The following TRPC5 variants were observed in gnomAD, a reference collection of about 807,000 sequenced individuals.
TRPC5 encodes transient receptor potential cation channel subfamily C member 5, also known as short transient receptor potential channel 5.
TRPC5 carries 9 observed loss-of-function variants against 56.5 expected under a neutral mutation model. The ratio of observed to expected loss-of-function variants is 0.16; its 90% CI spans 0.10 to 0.28. TRPC5 has a LOEUF of 0.28. Ranked by LOEUF, TRPC5 falls within the 10% of genes least tolerant of loss-of-function variation. The probability of loss-of-function intolerance (pLI) is 1.00; values close to 1 mark genes in which losing one functional copy is unlikely to be tolerated. For synonymous variants in TRPC5, 282 were observed against 278.5 expected (o/e 1.01, Z -0.13); for missense variants, 469 against 748.9 (o/e 0.63, Z 4.36).
At chrX:111,808,093 C>T (rs1921580935) in intron 7 of TRPC5, among the ~76,000 whole-genome samples, 1 of 110,070 alleles carries the variant, frequency 9.1e-6, no homozygotes, top group Non-Finnish European at 1.9e-5. Context: ...CAGCACAGCA[C>T]TGGCTCTCAC....
rs534660293 is a variant in TRPC5 at position 111,992,588 on chromosome X, CATTATT to C, written c.-21-40153_-21-40148del. ...GAAATATGGGAATTGTTTTTTAAAA[CATTATT>C]ATTATTATTATTATTATTATTATTT... On this transcript the variant is annotated intron_variant, in intron 1 of 10. Transcript: ENST00000262839. Among the ~76,000 whole-genome samples the C allele has an allele frequency of 4.9e-3, 514 of 104,963 alleles. 3 individuals carry two copies. In the South Asian group the frequency reaches 0.052, roughly 11 times the overall value. 91.1% of individuals were successfully genotyped at this position (104,963 alleles called of 115,157 possible).
chrX:111,969,159 C>T (rs1314324880), intron 1 of TRPC5, among the ~76,000 whole-genome samples: 1 of 110,934 alleles, frequency 9.0e-6, no homozygotes, highest in Non-Finnish European at 1.9e-5. Context: ...GGACCCTCCA[C>T]CAGCAAAAAG....
chrX:111,913,128 C>G (rs939151580), intron 2 of TRPC5, among the ~76,000 whole-genome samples: 9 of 111,142 alleles, frequency 8.1e-5, no homozygotes, highest in African/African-American at 3.0e-4. Context: ...AGTTTTTAGT[C>G]AGCAGAGCCA....
chrX:112,033,311 G>A (rs1437113276), intron 1 of TRPC5, among the ~76,000 whole-genome samples: 4 of 108,463 alleles, frequency 3.7e-5, no homozygotes, highest in Non-Finnish European at 7.6e-5. Flanking sequence ...TGGCACATGT[G>A]TAGATATGTA....
intron 1 of TRPC5, among the ~76,000 whole-genome samples, chrX:112,050,531 C>G (rs1930188935): frequency 8.9e-6 from 1 of 112,204 alleles, no homozygotes; most frequent in Admixed American, 9.4e-5. Context: ...ATCTTGCTAA[C>G]CTACTCTTCA....
chrX:112,055,721 G>T (rs756726370), intron 1 of TRPC5, among the ~76,000 whole-genome samples: 30 of 108,317 alleles, frequency 2.8e-4, no homozygotes, highest in African/African-American at 9.4e-4. Flanking sequence ...AGTAGCATAT[G>T]TTTAGTTATA....
intron 1 of TRPC5, among the ~76,000 whole-genome samples, chrX:111,966,783 T>C (rs1452621553): frequency 9.3e-6 from 1 of 107,545 alleles, no homozygotes. Flanking sequence ...TCAACAACTC[T>C]TCATGCTAAA....
intron 3 of TRPC5, among the ~76,000 whole-genome samples, chrX:111,865,405 C>T (rs1006179588): frequency 4.7e-5 from 5 of 107,319 alleles, no homozygotes; most frequent in African/African-American, 1.7e-4. Context: ...CTGTTCACTG[C>T]AACCTCAGCC....
At chrX:111,904,655 G>A (rs752216293) in intron 3 of TRPC5, among the ~76,000 whole-genome samples, 175 of 111,080 alleles carry the variant, frequency 1.6e-3, no homozygotes, top group African/African-American at 5.4e-3. Context: ...GGGAGAGAGA[G>A]CATCAAGAAT....
chrX:111,937,279 T>C (rs1926615102), intron 2 of TRPC5, among the ~76,000 whole-genome samples: 1 of 104,471 alleles, frequency 9.6e-6, no homozygotes, highest in Non-Finnish European at 2.0e-5. Flanking sequence ...GAAAATTTTC[T>C]CCCATTTTGT....
chrX:112,033,193 G>A (rs188563798), intron 1 of TRPC5, among the ~76,000 whole-genome samples: 863 of 79,044 alleles, frequency 0.011, 12 homozygotes, highest in African/African-American at 0.042. Flanking sequence ...CACAGGGTGG[G>A]GAACATCACA....
At chrX:111,941,399 G>T (rs1926774211) in intron 2 of TRPC5, among the ~76,000 whole-genome samples, 2 of 112,361 alleles carry the variant, frequency 1.8e-5, no homozygotes, top group South Asian at 7.4e-4. Flanking sequence ...GGTAGTCTCT[G>T]TTTAATTTCT....
At chrX:111,782,824 C>CACAG (rs1399761431) in intron 7 of TRPC5, among the ~76,000 whole-genome samples, 3 of 109,416 alleles carry the variant, frequency 2.7e-5, no homozygotes, top group Non-Finnish European at 5.7e-5. Flanking sequence ...CACACACACA[C>CACAG]ACACACACAC....
At chrX:111,843,165 G>T (rs1446406297) in intron 6 of TRPC5, among the ~76,000 whole-genome samples, 1 of 112,471 alleles carries the variant, frequency 8.9e-6, no homozygotes, top group Non-Finnish European at 1.9e-5. Context: ...TAAAAAGATA[G>T]GATTGCTTTT....
At chrX:111,803,719 T>C (rs1921397828) in intron 7 of TRPC5, among the ~76,000 whole-genome samples, 1 of 112,304 alleles carries the variant, frequency 8.9e-6, no homozygotes, top group Non-Finnish European at 1.9e-5. Context: ...CTTGTAAATT[T>C]GCTTGTGTTC....
intron 6 of TRPC5, among the ~76,000 whole-genome samples, chrX:111,840,561 T>C (rs1416728311): frequency 8.9e-6 from 1 of 111,869 alleles, no homozygotes; most frequent in Non-Finnish European, 1.9e-5. Flanking sequence ...GACATAGATA[T>C]GAAGGGTTGA....
At chrX:111,860,018 C>T (rs1307246396) in intron 3 of TRPC5, among the ~76,000 whole-genome samples, 1 of 112,855 alleles carries the variant, frequency 8.9e-6, no homozygotes, top group Non-Finnish European at 1.9e-5. Flanking sequence ...ACGCCATTCT[C>T]CTGCCTCGGC....
chrX:111,935,129 A>G (rs2148629815), intron 2 of TRPC5, among the ~76,000 whole-genome samples: 1 of 111,987 alleles, frequency 8.9e-6, no homozygotes, highest in Admixed American at 9.5e-5. Context: ...CCTTACCAGC[A>G]TTTGTTACTG....
rs758277413 is a variant in TRPC5, at chrX:111,909,672, T to C, written c.900+2619A>G. On this transcript the variant is annotated intron_variant, in intron 3 of 10. Coordinates refer to ENST00000262839, the MANE Select transcript of TRPC5 (RefSeq NM_012471.3). ...AAGAGAACAAGAAGAAATAAAACCCTGTGGCACATTCAGATTAGTGGGATG... is the reference window on the plus strand; with the variant it reads ...AAGAGAACAAGAAGAAATAAAACCCCGTGGCACATTCAGATTAGTGGGATG... Among the ~76,000 whole-genome samples, 493 of 111,543 alleles carry C rather than the reference T, an allele frequency of 4.4e-3. 3 individuals are homozygous for C. The highest frequency in any genetic ancestry group is 0.016 in the African/African-American group (484 of 30,754).
Sources: gnomAD v4.1 joint callset for allele counts (sites outside exome capture counted in the v4.1 genomes callset) on GRCh38, gnomAD v4.1.1 for gene constraint, MANE v1.5 for transcripts, NCBI Gene and HGNC (gene_info 2026-07-23, HGNC 2026-07-21) for gene names.